The following FZD2 variants were observed in gnomAD, a reference collection of about 807,000 sequenced individuals.
The protein encoded by FZD2 is frizzled class receptor 2, also known as frizzled-2.
A neutral mutation model predicts 36.7 loss-of-function variants in FZD2; 17 were observed. The ratio of observed to expected loss-of-function variants is 0.46; its 90% CI spans 0.32 to 0.70. FZD2 has a LOEUF of 0.70. Ranked by LOEUF, FZD2 falls within the 30% of genes least tolerant of loss-of-function variation. FZD2 has a pLI of 0.04. For missense variants in FZD2, 525 were observed against 805.6 expected (o/e 0.65, Z 4.22); for synonymous variants, 333 against 359.6 (o/e 0.93, Z 0.84).
Position 44,558,778 on chromosome 17 carries a change from G to A in FZD2, c.1090G>A (p.Ala364Thr). The A allele has an allele frequency of 6.2e-7, 1 of 1,614,238 alleles. No homozygotes were observed. The highest frequency in any genetic ancestry group is 8.5e-7 in the Non-Finnish European group (1 of 1,180,034). ...LAAGMKWGHE[A>T]IEANSQYFHL... The stretch of plus-strand genomic sequence containing the variant: ...AGCCGGCATGAAGTGGGGCCACGAG[G>A]CCATCGAGGCCAACTCTCAGTACTT... The change falls in exon 1 of 1, where the codon GCC becomes ACC. Residue 364 changes from alanine to threonine, a missense_variant. Ala to Thr is a moderately conservative substitution (Grantham distance 58, BLOSUM62 0). This residue lies in a region of FZD2 where 189 missense variants were observed against 298.1 expected (regional missense o/e 0.63). Transcript: ENST00000315323. This position sits in a 1 kb window ranked among gnomAD's most constrained non-coding sequence, Gnocchi z 9.3.
chr17:44,559,344 C>T lies in FZD2; in HGVS notation c.1656C>T (p.Tyr552=), dbSNP rs1476424779. 6.2e-7 allele frequency: 1 copy of T among 1,611,616 alleles called. No homozygotes were observed. The highest frequency in any genetic ancestry group is 8.5e-7 in the Non-Finnish European group (1 of 1,178,796). ...CGCTGCACTCGTGGAGGAAGTTCTA[C>T]ACTCGCCTCACCAACAGCCGACACG... is the stretch of plus-strand genomic sequence containing the variant. The part of the protein sequence containing the change: ...GKTLHSWRKF[Y]TRLTNSRHGE... The change falls in exon 1 of 1, where the codon TAC becomes TAT. Residue 552 remains tyrosine, a synonymous_variant. Transcript: ENST00000315323. The surrounding 1 kb of genome is among the most constrained non-coding windows in gnomAD (Gnocchi z 4.4).
Position 44,560,284 on chromosome 17 carries a change from C to T in FZD2, c.*898C>T, listed in dbSNP as rs1970874644. Among the ~76,000 whole-genome samples, 1 of 152,134 alleles carries T rather than the reference C, an allele frequency of 6.6e-6. No individual in the cohort carries two copies. The highest frequency in any genetic ancestry group is 1.5e-5 in the Non-Finnish European group (1 of 68,018). On this transcript the variant is annotated 3_prime_UTR_variant, in exon 1 of 1. Coordinates refer to ENST00000315323, the MANE Select transcript of FZD2 (RefSeq NM_001466.4). ...TCTAGGGGAAGCATTCGCCTTTGAG[C>T]ACTTGTTTGCAAATCTGGGGAGTTT... is the stretch of plus-strand genomic sequence containing the variant.
In FZD2 at chr17:44,557,826, G is replaced by A. The variant is rs1425350824; in HGVS notation, c.138G>A (p.Leu46=). ...TCTGCCAGCCCATCTCCATCCCGCTGTGCACGGACATCGCCTACAACCAGA... is the reference window on the plus strand; with the variant it reads ...TCTGCCAGCCCATCTCCATCCCGCTATGCACGGACATCGCCTACAACCAGA... ...HGFCQPISIP[L]CTDIAYNQTI... is the part of the protein sequence containing the mutation. Residue 46 remains leucine, a synonymous_variant, in exon 1 of 1, where the codon CTG becomes CTA. Coordinates refer to ENST00000315323, the MANE Select transcript of FZD2 (RefSeq NM_001466.4). This position sits in a 1 kb window ranked among gnomAD's most constrained non-coding sequence, Gnocchi z 4.9. 1 of 1,614,150 alleles carries A rather than the reference G, an allele frequency of 6.2e-7. No individual in the cohort carries two copies. Among genetic ancestry groups the A allele is most frequent in the Non-Finnish European group, 8.5e-7 (1 of 1,180,000 alleles).
Position 44,559,131 on chromosome 17 carries a change from C to G in FZD2, c.1443C>G (p.Phe481Leu). 6.2e-7 allele frequency: 1 copy of G among 1,614,084 alleles called. No homozygotes were observed. Among genetic ancestry groups the G allele is most frequent in the Non-Finnish European group, 8.5e-7 (1 of 1,180,044 alleles). The change falls in exon 1 of 1, where the codon TTC becomes TTG. Residue 481 changes from phenylalanine to leucine, a missense_variant. Physicochemically the swap from Phe to Leu is conservative, Grantham distance 22. Transcript: ENST00000315323. The surrounding 1 kb of genome is among the most constrained non-coding windows in gnomAD (Gnocchi z 4.4). ...VPATIVIACY[F>L]YEQAFREHWE... ...CCACCATCGTCATCGCTTGCTACTT[C>G]TACGAGCAGGCCTTCCGCGAGCACT... is the stretch of plus-strand genomic sequence containing the variant.
In FZD2 at chr17:44,558,624, G is replaced by A. The variant is rs1260660992; in HGVS notation, c.936G>A (p.Glu312=). The change falls in exon 1 of 1, where the codon GAG becomes GAA. Residue 312 remains glutamate, a synonymous_variant. Transcript: ENST00000315323. The surrounding 1 kb of genome is among the most constrained non-coding windows in gnomAD (Gnocchi z 9.3). ...ERVVCNERFS[E]DGYRTVVQGT... ...TGGTGTGCAACGAGCGCTTCTCCGA[G>A]GACGGTTACCGCACGGTGGTGCAGG... The A allele has an allele frequency of 6.2e-7, 1 of 1,614,090 alleles. No homozygotes were observed. The highest frequency in any genetic ancestry group is 1.3e-5 in the African/African-American group (1 of 75,078).
rs897067059 is a variant in FZD2 at position 44,559,380 on chromosome 17, C to A, written c.1692C>A (p.Thr564=). Residue 564 remains threonine, a synonymous_variant, in exon 1 of 1, where the codon ACC becomes ACA. Transcript: ENST00000315323. This position sits in a 1 kb window ranked among gnomAD's most constrained non-coding sequence, Gnocchi z 4.4. ...CCAACAGCCGACACGGTGAGACCAC[C>A]GTGTGAGGGACGCCCCCAGGCCGGA... The part of the protein sequence containing the change: ...RLTNSRHGET[T]V 38 of 1,598,780 alleles carry A rather than the reference C, an allele frequency of 2.4e-5. No homozygotes were observed. Among genetic ancestry groups the A allele is most frequent in the Non-Finnish European group, 3.2e-5 (38 of 1,171,656 alleles).
rs1414226071 is a variant in FZD2 at position 44,558,814 on chromosome 17, G to T, written c.1126G>T (p.Ala376Ser). ...EANSQYFHLA[A>S]WAVPAVKTIT... ...CAACTCTCAGTACTTCCACCTGGCC[G>T]CCTGGGCCGTGCCGGCCGTCAAGAC... The change falls in exon 1 of 1, where the codon GCC (alanine) becomes TCC (serine). Residue 376 changes from alanine (A) to serine (S), a missense_variant. Physicochemically the swap from Ala to Ser is moderately conservative, Grantham distance 99. Transcript: ENST00000315323. The surrounding 1 kb of genome is among the most constrained non-coding windows in gnomAD (Gnocchi z 9.3). 6.2e-7 allele frequency: 1 copy of T among 1,614,000 alleles called. No homozygotes were observed. The highest frequency in any genetic ancestry group is 8.5e-7 in the Non-Finnish European group (1 of 1,180,034).
Position 44,559,738 on chromosome 17 carries a change from G to GT in FZD2, c.*358dup, listed in dbSNP as rs937311733. ...CTTCAAAACCCGCCCCACTTTTGGA[G>GT]TTTTTTGGTGATATGGCAGGGCTGG... On this transcript the variant is annotated 3_prime_UTR_variant, in exon 1 of 1. Coordinates refer to ENST00000315323, the MANE Select transcript of FZD2 (RefSeq NM_001466.4). The surrounding 1 kb of genome is among the most constrained non-coding windows in gnomAD (Gnocchi z 4.4). Among the ~76,000 whole-genome samples, 59 of 152,190 alleles carry GT rather than the reference G, an allele frequency of 3.9e-4. No homozygotes were observed. Among genetic ancestry groups the GT allele is most frequent in the African/African-American group, 1.4e-3 (57 of 41,532 alleles).
chr17:44,559,032 C>T lies in FZD2; in HGVS notation c.1344C>T (p.Asp448=), dbSNP rs765137220. ...GCATCCGCACCATCATGAAGCACGACGGCACCAAGACCGAAAAGCTGGAGC... is the reference window on the plus strand; with the variant it reads ...GCATCCGCACCATCATGAAGCACGATGGCACCAAGACCGAAAAGCTGGAGC... The part of the protein sequence containing the change: ...LFRIRTIMKH[D]GTKTEKLERL... Residue 448 remains aspartate, a synonymous_variant, in exon 1 of 1, where the codon GAC becomes GAT. Transcript: ENST00000315323. This position sits in a 1 kb window ranked among gnomAD's most constrained non-coding sequence, Gnocchi z 4.4. 3 of 1,614,180 alleles carry T rather than the reference C, an allele frequency of 1.9e-6. No homozygotes were observed. The highest frequency in any genetic ancestry group is 2.5e-6 in the Non-Finnish European group (3 of 1,180,036).
In FZD2 at chr17:44,557,802, C is replaced by T; in HGVS notation, c.114C>T (p.Phe38=). The T allele has an allele frequency of 6.2e-7, 1 of 1,613,994 alleles. No individual in the cohort carries two copies. The highest frequency in any genetic ancestry group is 8.5e-7 in the Non-Finnish European group (1 of 1,179,978). ...EKGISIPDHG[F]CQPISIPLCT... The stretch of plus-strand genomic sequence containing the variant: ...GCATCTCCATCCCGGACCACGGCTT[C>T]TGCCAGCCCATCTCCATCCCGCTGT... The change falls in exon 1 of 1, where the codon TTC becomes TTT. Residue 38 remains phenylalanine (F), a synonymous_variant. Coordinates refer to ENST00000315323, the MANE Select transcript of FZD2 (RefSeq NM_001466.4). This position sits in a 1 kb window ranked among gnomAD's most constrained non-coding sequence, Gnocchi z 4.9.
rs1457585218 is a variant in FZD2, at chr17:44,557,713, C to T, written c.25C>T (p.Arg9Cys). 2.5e-6 allele frequency: 4 copies of T among 1,577,322 alleles called. No individual in the cohort carries two copies. The highest frequency in any genetic ancestry group is 3.6e-5 in the Admixed American group (2 of 55,968). The part of the protein sequence containing the change: MRPRSALP[R>C]LLLPLLLLPA... ...CATGCGGCCCCGCAGCGCCCTGCCC[C>T]GCCTGCTGCTGCCGCTGCTGCTGCT... The change falls in exon 1 of 1, where the codon CGC becomes TGC. Residue 9 changes from arginine (R) to cysteine (C), a missense_variant. By Grantham distance (180) the Arg-to-Cys change is radical (BLOSUM62 -3). Coordinates refer to ENST00000315323, the MANE Select transcript of FZD2 (RefSeq NM_001466.4). The surrounding 1 kb of genome is among the most constrained non-coding windows in gnomAD (Gnocchi z 4.9).
Position 44,559,311 on chromosome 17 carries a change from G to C in FZD2, c.1623G>C (p.Ser541=). 1 of 1,613,848 alleles carries C rather than the reference G, an allele frequency of 6.2e-7. No homozygotes were observed. Among genetic ancestry groups the C allele is most frequent in the Non-Finnish European group, 8.5e-7 (1 of 1,179,956 alleles). The change falls in exon 1 of 1, where the codon TCG becomes TCC. Residue 541 remains serine, a synonymous_variant. Coordinates refer to ENST00000315323, the MANE Select transcript of FZD2 (RefSeq NM_001466.4). This position sits in a 1 kb window ranked among gnomAD's most constrained non-coding sequence, Gnocchi z 4.4. The part of the protein sequence containing the change: ...VGITSGFWIW[S]GKTLHSWRKF... ...TCACGTCGGGCTTCTGGATCTGGTC[G>C]GGCAAGACGCTGCACTCGTGGAGGA... is the stretch of plus-strand genomic sequence containing the variant.
Position 44,558,224 on chromosome 17 carries a change from C to T in FZD2, c.536C>T (p.Thr179Ile). ...PPGLQPGAGG[T>I]PGGPGGGGAP... Reference sequence around the variant, plus strand: ...GGACTGCAGCCGGGTGCCGGGGGCACCCCGGGTGGCCCGGGCGGCGGCGGC... The same window carrying T: ...GGACTGCAGCCGGGTGCCGGGGGCATCCCGGGTGGCCCGGGCGGCGGCGGC... The change falls in exon 1 of 1, where the codon ACC becomes ATC. Residue 179 changes from threonine (T) to isoleucine (I), a missense_variant. Coordinates refer to ENST00000315323, the MANE Select transcript of FZD2 (RefSeq NM_001466.4). The surrounding 1 kb of genome is among the most constrained non-coding windows in gnomAD (Gnocchi z 9.3). The T allele has an allele frequency of 7.1e-7, 1 of 1,401,086 alleles. No homozygotes were observed. Among genetic ancestry groups the T allele is most frequent in the African/African-American group, 1.5e-5 (1 of 66,306 alleles). The allele number at this position is 1,401,086 out of a possible 1,614,324, so 86.8% of individuals were successfully genotyped here. A position where few individuals can be genotyped will look rare whatever the true frequency, so the allele number is the denominator to read the frequency against.
In FZD2 at chr17:44,558,298, G is replaced by A. The variant is rs1335328160; in HGVS notation, c.610G>A (p.Val204Ile). The A allele has an allele frequency of 6.9e-7, 1 of 1,457,512 alleles. No individual in the cohort carries two copies. The highest frequency in any genetic ancestry group is 9.0e-7 in the Non-Finnish European group (1 of 1,110,614). The allele number at this position is 1,457,512 out of a possible 1,614,324, so 90.3% of individuals were successfully genotyped here. ...TLEHPFHCPR[V>I]LKVPSYLSYK... Reference sequence around the variant, plus strand: ...GGAGCACCCCTTCCACTGCCCGCGCGTCCTCAAGGTGCCATCCTATCTCAG... The same window carrying A: ...GGAGCACCCCTTCCACTGCCCGCGCATCCTCAAGGTGCCATCCTATCTCAG... The change falls in exon 1 of 1, where the codon GTC (valine) becomes ATC (isoleucine). Residue 204 changes from valine to isoleucine, a missense_variant. Transcript: ENST00000315323. This position sits in a 1 kb window ranked among gnomAD's most constrained non-coding sequence, Gnocchi z 9.3.
rs747271499 is a variant in FZD2, at chr17:44,557,795, A to C, written c.107A>C (p.His36Pro). ...GAGAAGGGCATCTCCATCCCGGACC[A>C]CGGCTTCTGCCAGCCCATCTCCATC... ...HGEKGISIPD[H>P]GFCQPISIPL... The change falls in exon 1 of 1, where the codon CAC becomes CCC. Residue 36 changes from histidine (H) to proline (P), a missense_variant. By Grantham distance (77) the His-to-Pro change is moderately conservative. Transcript: ENST00000315323. This position sits in a 1 kb window ranked among gnomAD's most constrained non-coding sequence, Gnocchi z 4.9. The C allele has an allele frequency of 1.9e-6, 3 of 1,613,754 alleles. No individual in the cohort carries two copies. The highest frequency in any genetic ancestry group is 2.5e-6 in the Non-Finnish European group (3 of 1,179,978).
chr17:44,559,089 G>GCT lies in FZD2; in HGVS notation c.1404_1405dup (p.Tyr469SerfsTer28). On this transcript the variant is annotated frameshift_variant, in exon 1 of 1. Transcript: ENST00000315323. LOFTEE classifies it high-confidence loss of function. This position sits in a 1 kb window ranked among gnomAD's most constrained non-coding sequence, Gnocchi z 4.4. ...TGGTGCGCATCGGCGTCTTCTCCGT[G>GCT]CTCTACACAGTGCCCGCCACCATCG... The GCT allele has an allele frequency of 6.2e-7, 1 of 1,614,068 alleles. No homozygotes were observed. Among genetic ancestry groups the GCT allele is most frequent in the Non-Finnish European group, 8.5e-7 (1 of 1,180,026 alleles).
In FZD2 at chr17:44,557,991, C is replaced by A. The variant is rs781591909; in HGVS notation, c.303C>A (p.Thr101=). 6.2e-6 allele frequency: 10 copies of A among 1,613,892 alleles called. No homozygotes were observed. Among genetic ancestry groups the A allele is most frequent in the Non-Finnish European group, 8.5e-6 (10 of 1,180,012 alleles). ...GCTCCATGTACGCACCCGTGTGCAC[C>A]GTGCTGGAACAGGCCATCCCGCCGT... is the stretch of plus-strand genomic sequence containing the variant. ...FLCSMYAPVC[T]VLEQAIPPCR... The change falls in exon 1 of 1, where the codon ACC becomes ACA. Residue 101 remains threonine (T), a synonymous_variant. Coordinates refer to ENST00000315323, the MANE Select transcript of FZD2 (RefSeq NM_001466.4). This position sits in a 1 kb window ranked among gnomAD's most constrained non-coding sequence, Gnocchi z 4.9.
Position 44,559,381 on chromosome 17 carries a change from G to C in FZD2, c.1693G>C (p.Val565Leu). 1 of 1,598,832 alleles carries C rather than the reference G, an allele frequency of 6.3e-7. No homozygotes were observed. The highest frequency in any genetic ancestry group is 8.5e-7 in the Non-Finnish European group (1 of 1,171,586). ...CAACAGCCGACACGGTGAGACCACC[G>C]TGTGAGGGACGCCCCCAGGCCGGAA... ...LTNSRHGETTV is the reference protein window; with the variant it reads ...LTNSRHGETTL The change falls in exon 1 of 1, where the codon GTG becomes CTG. Residue 565 changes from valine to leucine, a missense_variant. Physicochemically the swap from Val to Leu is conservative, Grantham distance 32 (BLOSUM62 1). Coordinates refer to ENST00000315323, the MANE Select transcript of FZD2 (RefSeq NM_001466.4). The surrounding 1 kb of genome is among the most constrained non-coding windows in gnomAD (Gnocchi z 4.4).
rs1356737345 is a variant in FZD2 at position 44,559,544 on chromosome 17, G to T, written c.*158G>T. On this transcript the variant is annotated 3_prime_UTR_variant, in exon 1 of 1. Coordinates refer to ENST00000315323, the MANE Select transcript of FZD2 (RefSeq NM_001466.4). The surrounding 1 kb of genome is among the most constrained non-coding windows in gnomAD (Gnocchi z 4.4). ...AACTCTCTGCCCAACACCCCCACAA[G>T]GTTTGTAATTAAAACTGTAAATAGT... 1 of 906,516 alleles carries T rather than the reference G, an allele frequency of 1.1e-6. No homozygotes were observed. The highest frequency in any genetic ancestry group is 1.5e-6 in the Non-Finnish European group (1 of 656,194). 56.2% of individuals were successfully genotyped at this position (906,516 alleles called of 1,614,324 possible).
Sources: gnomAD v4.1 joint callset for allele counts (sites outside exome capture counted in the v4.1 genomes callset) on GRCh38, gnomAD v4.1.1 for gene constraint, gnomAD v4.1.1 regional missense constraint, Gnocchi (gnomAD v3.1) non-coding constraint, MANE v1.5 for transcripts, NCBI Gene and HGNC (gene_info 2026-07-23, HGNC 2026-07-21) for gene names.